The following RBMS3 variants were observed in gnomAD, a reference collection of about 807,000 sequenced individuals.
RBMS3 encodes the protein RNA-binding motif, single-stranded-interacting protein 3.
In RBMS3, 27 loss-of-function variants were observed where a neutral mutation model predicts 66.8. The ratio of observed to expected loss-of-function variants is 0.40; its 90% CI spans 0.30 to 0.56. The LOEUF (loss-of-function observed/expected upper bound fraction) is 0.56, where lower values mean the gene tolerates loss of function less well. RBMS3 is among the 20% of genes least tolerant of loss of function. The probability of loss-of-function intolerance (pLI) is 0.40; values close to 1 mark genes in which losing one functional copy is unlikely to be tolerated. For missense variants in RBMS3, 513 were observed against 549.5 expected (o/e 0.93, Z 0.66); for synonymous variants, 188 against 183.0 (o/e 1.03, Z -0.22).
intron 1 of RBMS3, among the ~76,000 whole-genome samples, chr3:29,287,584 T>C (rs1353835607): frequency 6.6e-6 from 1 of 152,102 alleles, no homozygotes; most frequent in Non-Finnish European, 1.5e-5. Flanking sequence ...ATTACAAAGA[T>C]ACACAAGGAC....
At chr3:29,433,131 G>A (rs1432634252) in intron 1 of RBMS3, among the ~76,000 whole-genome samples, 1 of 151,402 alleles carries the variant, frequency 6.6e-6, no homozygotes, top group African/African-American at 2.4e-5. Flanking sequence ...TTTTTAGAAT[G>A]AAACTGTAGA....
At position 29,740,629 on chromosome 3, in the gene RBMS3, A is replaced by G. The variant is rs1364915350; in HGVS notation, c.557+752A>G. On this transcript the variant is annotated intron_variant, in intron 5 of 14. Transcript: ENST00000383767. ...TAAAAGAAACTGCTCAATGACAATG[A>G]AGAAAAATAAGTCTTGTCTCTATGG... Among the ~76,000 whole-genome samples, 4 of 152,206 alleles carry G rather than the reference A, an allele frequency of 2.6e-5. No individual in the cohort carries two copies. In the East Asian group the frequency reaches 7.7e-4, roughly 29 times the overall value.
chr3:29,478,165 C>T (rs756915306), intron 2 of RBMS3, among the ~76,000 whole-genome samples: 1 of 152,172 alleles, frequency 6.6e-6, no homozygotes, highest in Non-Finnish European at 1.5e-5. Flanking sequence ...CTTTGAAAAC[C>T]TAATATGTGG....
chr3:29,995,232 T>C (rs1419385634), intron 14 of RBMS3, among the ~76,000 whole-genome samples: 1 of 151,818 alleles, frequency 6.6e-6, no homozygotes, highest in African/African-American at 2.4e-5. Context: ...TAAAAAGAAA[T>C]GAGCAAAGCC....
chr3:29,455,972 G>A (rs989881950), intron 2 of RBMS3, among the ~76,000 whole-genome samples: 7 of 152,284 alleles, frequency 4.6e-5, no homozygotes, highest in Non-Finnish European at 5.9e-5. Flanking sequence ...CACTGTACAT[G>A]TCGTCAAGTG....
chr3:29,886,211 G>T (rs547916568), intron 8 of RBMS3, among the ~76,000 whole-genome samples: 1 of 151,722 alleles, frequency 6.6e-6, no homozygotes, highest in Non-Finnish European at 1.5e-5. Flanking sequence ...TTGCTCAGTT[G>T]CCCCAAAATG....
At chr3:29,428,410 T>C (rs1260470365) in intron 1 of RBMS3, among the ~76,000 whole-genome samples, 1 of 152,078 alleles carries the variant, frequency 6.6e-6, no homozygotes, top group Non-Finnish European at 1.5e-5. Flanking sequence ...AGTATGGAAC[T>C]AAGGTTTAAA....
chr3:29,690,754 G>T (rs968957215), intron 4 of RBMS3, among the ~76,000 whole-genome samples: 2 of 152,182 alleles, frequency 1.3e-5, no homozygotes, highest in Admixed American at 1.3e-4. Flanking sequence ...TGCCTAAACA[G>T]TTTGAACTTT....
chr3:29,532,013 C>G (rs1221267585), intron 3 of RBMS3, among the ~76,000 whole-genome samples: 1 of 151,896 alleles, frequency 6.6e-6, no homozygotes, highest in Non-Finnish European at 1.5e-5. Context: ...CGGAGCCGTT[C>G]TAAGTCTTAG....
chr3:29,289,702 C>T (rs2032662542), intron 1 of RBMS3, among the ~76,000 whole-genome samples: 1 of 151,764 alleles, frequency 6.6e-6, no homozygotes, highest in Admixed American at 6.6e-5. Context: ...CCTAATAGTG[C>T]CCTTTCCTGT....
intron 2 of RBMS3, among the ~76,000 whole-genome samples, chr3:29,439,545 AAGT>A (rs1228415604): frequency 1.3e-5 from 2 of 152,136 alleles, no homozygotes; most frequent in Admixed American, 6.5e-5. Context: ...AGAAACAGCA[AAGT>A]AGCACAGAAT....
intron 8 of RBMS3, 99 bp from the exon 9 acceptor site, chr3:29,897,280 G>A (rs1256315575): frequency 1.7e-5 from 18 of 1,037,586 alleles, no homozygotes; most frequent in African/African-American, 4.8e-5. Context: ...AAAACGTGCG[G>A]GTGGAAATAT....
intron 10 of RBMS3, among the ~76,000 whole-genome samples, chr3:29,906,902 G>A (rs958648870): frequency 2.0e-5 from 3 of 151,978 alleles, no homozygotes; most frequent in African/African-American, 7.3e-5. Flanking sequence ...AATGATATCA[G>A]TCAAATGACA....
rs995895095 is a variant in RBMS3 at position 29,942,090 on chromosome 3, G to A, written c.1051-2117G>A. Among the ~76,000 whole-genome samples, 10 of 151,832 alleles carry A rather than the reference G, an allele frequency of 6.6e-5. No individual in the cohort carries two copies. The South Asian group carries it at 1.0e-3, about 16-fold the overall frequency. On this transcript the variant is annotated intron_variant, in intron 11 of 14. Coordinates refer to ENST00000383767, the MANE Select transcript of RBMS3 (RefSeq NM_001003793.3). ...ATTATACCTCAAAAATATTTGACAC[G>A]GTGTTCTTTATAATGTCTAACAAAG...
At chr3:29,991,851 G>A (rs1218022583) in intron 14 of RBMS3, 1 of 152,022 alleles carries the variant, frequency 6.6e-6, no homozygotes, top group East Asian at 1.9e-4. Context: ...GTTAAATGTC[G>A]ATGAAAAAGG....
chr3:29,813,740 C>T (rs559426218), intron 6 of RBMS3, among the ~76,000 whole-genome samples: 5 of 152,192 alleles, frequency 3.3e-5, no homozygotes, highest in African/African-American at 1.2e-4. Flanking sequence ...CTCTTTGAAG[C>T]AATTGTGAAT....
intron 14 of RBMS3, among the ~76,000 whole-genome samples, chr3:29,996,677 A>G (rs1442458735): frequency 3.9e-5 from 6 of 152,080 alleles, no homozygotes; most frequent in African/African-American, 2.4e-5. Context: ...TACTGGGTAC[A>G]TAACGAAATG....
chr3:29,754,084 A>C (rs1559637484), intron 5 of RBMS3, among the ~76,000 whole-genome samples: 1 of 151,746 alleles, frequency 6.6e-6, no homozygotes, highest in Non-Finnish European at 1.5e-5. Flanking sequence ...CAGCCTCCCG[A>C]GTAGCTGAGA....
intron 12 of RBMS3, among the ~76,000 whole-genome samples, chr3:29,961,644 A>G (rs1020031188): frequency 6.6e-6 from 1 of 152,088 alleles, no homozygotes; most frequent in Non-Finnish European, 1.5e-5. Flanking sequence ...TGAAGGAAAT[A>G]TATCCTTCTT....
Sources: allele counts gnomAD v4.1 joint callset (sites outside exome capture counted in the v4.1 genomes callset), GRCh38; gene constraint gnomAD v4.1.1; transcripts MANE v1.5; gene names NCBI Gene and HGNC (gene_info 2026-07-23, HGNC 2026-07-21).